The following ATP11B variants were observed in gnomAD, a reference collection of about 807,000 sequenced individuals.
The protein encoded by ATP11B is ATPase phospholipid transporting 11B (putative).
Under a neutral mutation model 157.8 loss-of-function variants are expected in ATP11B, and 81 were observed. The observed-to-expected ratio is 0.51, with a 90% confidence interval of 0.43 to 0.62. ATP11B has a LOEUF of 0.62. Ranked by LOEUF, ATP11B falls within the 20% of genes least tolerant of loss-of-function variation. The pLI, the probability that ATP11B is intolerant of heterozygous loss-of-function variation, is 0.00. For missense variants in ATP11B, 1,165 were observed against 1,402.2 expected (o/e 0.83, Z 2.70); for synonymous variants, 451 against 469.4 (o/e 0.96, Z 0.51).
At chr3:182,854,752 TACACACACACACACACACACACACACAC>T (rs71183649) in intron 10 of ATP11B, among the ~76,000 whole-genome samples, 3 of 145,862 alleles carry the variant, frequency 2.1e-5, no homozygotes, top group Non-Finnish European at 3.0e-5. Flanking sequence ...TGCATGTGTT[TACACACACACACACACACACACACACAC>T]ACACACACAC....
intron 17 of ATP11B, among the ~76,000 whole-genome samples, chr3:182,871,640 T>TA (rs1157176293): frequency 6.6e-6 from 1 of 152,212 alleles, no homozygotes. Flanking sequence ...AATGGAATTG[T>TA]AAGTTAAAAC....
intron 2 of ATP11B, among the ~76,000 whole-genome samples, chr3:182,821,828 G>T (rs143608543): frequency 1.3e-5 from 2 of 152,138 alleles, no homozygotes; most frequent in South Asian, 2.1e-4. Flanking sequence ...CATAACTATT[G>T]CCTGAAAGGG....
At chr3:182,830,009 T>C (rs1446909589) in intron 4 of ATP11B, 16 of 879,520 alleles carry the variant, frequency 1.8e-5, no homozygotes, top group Admixed American at 6.2e-5. Context: ...ACAAGTATTG[T>C]ATATGTATAA....
chr3:182,917,535 G>A (rs914595138), intron 29 of ATP11B: 18 of 985,102 alleles, frequency 1.8e-5, no homozygotes, highest in South Asian at 1.4e-4. Context: ...TACATCATTC[G>A]CTACATTCAA....
At chr3:182,889,576 G>C (rs753328766) in intron 25 of ATP11B, 28 bp downstream of exon 25, 1 of 1,499,498 alleles carries the variant, frequency 6.7e-7, no homozygotes, top group Non-Finnish European at 8.9e-7. Flanking sequence ...TTTAAAGAAT[G>C]CTTGTTAATA....
At chr3:182,879,285 AATATTAT>A (rs1328252418) in intron 19 of ATP11B, among the ~76,000 whole-genome samples, 1 of 152,156 alleles carries the variant, frequency 6.6e-6, no homozygotes, top group African/African-American at 2.4e-5. Context: ...AGAAAAATTG[AATATTAT>A]CTGTTTTACT....
intron 1 of ATP11B, among the ~76,000 whole-genome samples, chr3:182,813,307 TA>T (rs1169447333): frequency 6.6e-6 from 1 of 152,228 alleles, no homozygotes; most frequent in Admixed American, 6.5e-5. Context: ...TTTTCCACAG[TA>T]GCTTCACCAT....
chr3:182,885,499 T>C (rs2108565432), intron 22 of ATP11B, among the ~76,000 whole-genome samples: 1 of 152,292 alleles, frequency 6.6e-6, no homozygotes, highest in South Asian at 2.1e-4. Flanking sequence ...GCAGTTTTTT[T>C]CTAACTTATT....
chr3:182,906,700 C>T (rs1257329747), intron 28 of ATP11B, among the ~76,000 whole-genome samples: 1 of 152,054 alleles, frequency 6.6e-6, no homozygotes, highest in African/African-American at 2.4e-5. Context: ...ATCTACCTGC[C>T]TCAGCCTCCC....
intron 1 of ATP11B, among the ~76,000 whole-genome samples, chr3:182,810,002 C>T (rs1716553320): frequency 6.6e-6 from 1 of 152,144 alleles, no homozygotes; most frequent in African/African-American, 2.4e-5. Context: ...GGTAAATGAG[C>T]TGCTTTTTGA....
At chr3:182,831,469 A>T (rs986019998) in intron 4 of ATP11B, among the ~76,000 whole-genome samples, 1 of 152,098 alleles carries the variant, frequency 6.6e-6, no homozygotes, top group African/African-American at 2.4e-5. Flanking sequence ...AAGCTACTGA[A>T]CAGTAGCTTT....
At chr3:182,810,544 T>C (rs904429693) in intron 1 of ATP11B, among the ~76,000 whole-genome samples, 14 of 152,186 alleles carry the variant, frequency 9.2e-5, no homozygotes, top group Non-Finnish European at 1.5e-4. Context: ...TAAAATTAAT[T>C]AGACAATTGT....
rs551597382 is a variant in ATP11B at position 182,836,555 on chromosome 3, A to G, written c.552+85A>G. ...TATACTTAACTTTGGTTAAAGTAGT[A>G]AAGTTTGACCAGATTAAGGGGAAGT... On this transcript the variant is annotated intron_variant, in intron 6 of 29. Transcript: ENST00000323116. 1.9e-5 allele frequency: 29 copies of G among 1,522,440 alleles called. No homozygotes were observed. The East Asian group carries it at 6.1e-4, about 32-fold the overall frequency. The allele number at this position is 1,522,440 out of a possible 1,614,324, so 94.3% of individuals were successfully genotyped here. A position where few individuals can be genotyped will look rare whatever the true frequency, so the allele number is the denominator to read the frequency against.
chr3:182,892,785 G>A (rs753607040), intron 25 of ATP11B, among the ~76,000 whole-genome samples: 3 of 152,156 alleles, frequency 2.0e-5, no homozygotes, highest in Admixed American at 6.5e-5. Context: ...CTGGAAGAAT[G>A]TGTATGACCT....
chr3:182,899,200 G>A (rs1723778661), intron 28 of ATP11B, among the ~76,000 whole-genome samples: 1 of 146,796 alleles, frequency 6.8e-6, no homozygotes, highest in Admixed American at 6.9e-5. Flanking sequence ...CTGTCACCCA[G>A]GCTGGAGTGT....
At position 182,816,969 on chromosome 3, in the gene ATP11B, G is replaced by A. The variant is rs969648383; in HGVS notation, c.28-3291G>A. Among the ~76,000 whole-genome samples, 3 of 152,016 alleles carry A rather than the reference G, an allele frequency of 2.0e-5. No individual in the cohort carries two copies. In the East Asian group the frequency reaches 5.8e-4, roughly 29 times the overall value. The stretch of plus-strand genomic sequence containing the variant: ...AGTTATAAGTTTAATTTCCGTAAGG[G>A]ACATTTGGCTGTACTTATACTATAG... On this transcript the variant is annotated intron_variant, in intron 1 of 29. Coordinates refer to ENST00000323116, the MANE Select transcript of ATP11B (RefSeq NM_014616.3).
chr3:182,821,783 A>T (rs977875846), intron 2 of ATP11B, among the ~76,000 whole-genome samples: 1 of 152,234 alleles, frequency 6.6e-6, no homozygotes, highest in African/African-American at 2.4e-5. Flanking sequence ...AGAGGATATG[A>T]GTCAAAGAGA....
intron 21 of ATP11B, among the ~76,000 whole-genome samples, chr3:182,881,629 A>AGCT (rs1453101834): frequency 3.3e-4 from 51 of 152,302 alleles, no homozygotes; most frequent in East Asian, 3.9e-4. Flanking sequence ...AAGGAAATAA[A>AGCT]TACCACATTA....
At chr3:182,896,513 A>C (rs931541657) in intron 25 of ATP11B, among the ~76,000 whole-genome samples, 187 bp from the exon 26 acceptor site, 1 of 152,198 alleles carries the variant, frequency 6.6e-6, no homozygotes, top group Non-Finnish European at 1.5e-5. Context: ...GTCTATAATA[A>C]TAACACATGT....
Sources: gnomAD v4.1 joint callset for allele counts (sites outside exome capture counted in the v4.1 genomes callset) on GRCh38, gnomAD v4.1.1 for gene constraint, MANE v1.5 for transcripts, NCBI Gene and HGNC (gene_info 2026-07-23, HGNC 2026-07-21) for gene names.